The following GK variants were observed in gnomAD, a reference collection of about 807,000 sequenced individuals.
The protein encoded by GK is ATP:glycerol 3-phosphotransferase.
In GK, 9 loss-of-function variants were observed where a neutral mutation model predicts 56.4. That is an observed-to-expected ratio of 0.16 (90% confidence interval 0.10 to 0.28). The LOEUF is 0.28. Ranked by LOEUF, GK falls within the 10% of genes least tolerant of loss-of-function variation. GK has a pLI of 1.00. For missense variants in GK, 161 were observed against 431.4 expected, an observed-to-expected ratio of 0.37 and a Z score of 5.55; for synonymous variants, 104 against 144.1, an observed-to-expected ratio of 0.72 and a Z score of 1.99.
chrX:30,717,256 T>A (rs1936674075), intron 13 of GK, among the ~76,000 whole-genome samples: 1 of 111,065 alleles, frequency 9.0e-6, no homozygotes, highest in Non-Finnish European at 1.9e-5. Context: ...CTAAAAAAAA[T>A]TTCTTGGTAT....
At chrX:30,670,570 A>G (rs1288085207) in intron 3 of GK, among the ~76,000 whole-genome samples, 1 of 108,690 alleles carries the variant, frequency 9.2e-6, no homozygotes, top group East Asian at 2.9e-4. Flanking sequence ...ACATCCCACA[A>G]GCTCCTCCAT....
chrX:30,710,105 C>T (rs927636996), intron 13 of GK, among the ~76,000 whole-genome samples: 11 of 111,991 alleles, frequency 9.8e-5, no homozygotes, highest in Middle Eastern at 4.6e-3. Flanking sequence ...AATATACCCT[C>T]CTATCCCCTT....
At position 30,728,974 on chromosome X, in the gene GK, G is replaced by T; in HGVS notation, c.*232G>T. On this transcript the variant is annotated 3_prime_UTR_variant, in exon 21 of 21. Transcript: ENST00000427190. The stretch of plus-strand genomic sequence containing the variant: ...TTTTTTTTAAACATCCACAGTTAAG[G>T]TTGGGCCAGCTACCTTTGGGGCTGA... 1 of 391,902 alleles carries T rather than the reference G, an allele frequency of 2.6e-6. No individual in the cohort carries two copies. Among genetic ancestry groups the T allele is most frequent in the Non-Finnish European group, 4.4e-6 (1 of 225,356 alleles). 32.3% of individuals were successfully genotyped at this position (391,902 alleles called of 1,213,427 possible). A position where few individuals can be genotyped will look rare whatever the true frequency, so the allele number is the denominator to read the frequency against.
chrX:30,675,544 G>C (rs1183604054), intron 3 of GK, among the ~76,000 whole-genome samples: 1 of 100,089 alleles, frequency 1.0e-5, no homozygotes, highest in South Asian at 4.8e-4. Context: ...TTTGAGACAG[G>C]ATCTAACTAT....
chrX:30,655,441 A>G (rs968472877), intron 1 of GK, among the ~76,000 whole-genome samples: 24 of 112,011 alleles, frequency 2.1e-4, no homozygotes, highest in African/African-American at 7.1e-4. Flanking sequence ...TCAAGGGGAC[A>G]GCTAGTAGCT....
chrX:30,696,003 A>G (rs759155542), intron 6 of GK, 39 bp from the exon 7 acceptor site: 4 of 704,205 alleles, frequency 5.7e-6, no homozygotes, highest in Non-Finnish European at 6.9e-6. Context: ...TAAATTGCCA[A>G]TAAGTACAAA....
chrX:30,671,729 C>G (rs1002767583), intron 3 of GK: 3 of 112,437 alleles, frequency 2.7e-5, no homozygotes, highest in Admixed American at 9.5e-5. Context: ...GCAGCACACA[C>G]TAGCTCAAGG....
chrX:30,695,681 G>A (rs1249803497), intron 6 of GK, among the ~76,000 whole-genome samples: 1 of 112,670 alleles, frequency 8.9e-6, no homozygotes, highest in Admixed American at 9.4e-5. Flanking sequence ...TAATCCTTAT[G>A]AGGCAGATAT....
intron 4 of GK, among the ~76,000 whole-genome samples, chrX:30,686,618 T>C (rs1934630829): frequency 8.9e-6 from 1 of 112,214 alleles, no homozygotes; most frequent in African/African-American, 3.2e-5. Flanking sequence ...TTTATTATTC[T>C]AAATATTTAA....
At chrX:30,657,155 A>C (rs1932357739) in intron 1 of GK, among the ~76,000 whole-genome samples, 1 of 112,725 alleles carries the variant, frequency 8.9e-6, no homozygotes, top group South Asian at 3.6e-4. Flanking sequence ...AGCCAAGTTA[A>C]CTGAATTTTA....
intron 1 of GK, among the ~76,000 whole-genome samples, chrX:30,659,116 C>A (rs1374216470): frequency 1.8e-5 from 2 of 111,907 alleles, no homozygotes; most frequent in African/African-American, 6.5e-5. Flanking sequence ...ACGGCAACCT[C>A]CGCCTCCTGG....
rs1254205637 is a variant in GK at position 30,704,907 on chromosome X, C to T, written c.852-2649C>T. On this transcript the variant is annotated intron_variant, in intron 11 of 20. Coordinates refer to ENST00000427190, the MANE Select transcript of GK (RefSeq NM_001205019.2). The stretch of plus-strand genomic sequence containing the variant: ...TCAAGAGTGAAGTTGTACTAGAATG[C>T]TCAAGATAGAAGCCTGGTTGCAAAT... 2.7e-5 allele frequency among the ~76,000 whole-genome samples: 3 copies of T among 111,904 alleles called. No homozygotes were observed. In the Admixed American group the frequency reaches 2.8e-4, roughly 11 times the overall value.
intron 11 of GK, among the ~76,000 whole-genome samples, chrX:30,705,805 C>A (rs765000830): frequency 6.4e-4 from 72 of 112,267 alleles, no homozygotes; most frequent in Non-Finnish European, 1.2e-3. Context: ...GAAGTCTCTT[C>A]ATATTTGCTA....
At chrX:30,707,133 A>G (rs775219781) in intron 11 of GK, among the ~76,000 whole-genome samples, 1 of 111,437 alleles carries the variant, frequency 9.0e-6, no homozygotes, top group Non-Finnish European at 1.9e-5. Flanking sequence ...GATCAAGGCC[A>G]TCCTGACTAA....
intron 4 of GK, among the ~76,000 whole-genome samples, chrX:30,681,657 T>C (rs1290539043): frequency 9.0e-6 from 1 of 111,244 alleles, no homozygotes; most frequent in Non-Finnish European, 1.9e-5. Flanking sequence ...AAGACCATAC[T>C]TATGCTGGGA....
At chrX:30,705,292 G>A (rs1253921463) in intron 11 of GK, among the ~76,000 whole-genome samples, 1 of 112,356 alleles carries the variant, frequency 8.9e-6, no homozygotes, top group Non-Finnish European at 1.9e-5. Flanking sequence ...TCAGAGTGGG[G>A]GAAGAAATTA....
At chrX:30,670,289 A>C (rs755775800) in intron 3 of GK, among the ~76,000 whole-genome samples, 1 of 111,473 alleles carries the variant, frequency 9.0e-6, no homozygotes, top group Non-Finnish European at 1.9e-5. Flanking sequence ...ACATCATTCT[A>C]CCTCCCTTAC....
chrX:30,709,049 A>G (rs1936180719), intron 13 of GK, among the ~76,000 whole-genome samples: 1 of 112,184 alleles, frequency 8.9e-6, no homozygotes, highest in East Asian at 2.8e-4. Flanking sequence ...CATTTGTGAA[A>G]ACTTAGTCTG....
At chrX:30,660,083 T>C (rs1932638569) in intron 1 of GK, among the ~76,000 whole-genome samples, 1 of 111,694 alleles carries the variant, frequency 9.0e-6, no homozygotes, top group South Asian at 3.7e-4. Context: ...TTCCTTGTTT[T>C]TTCAGTTTTT....
Sources: allele counts gnomAD v4.1 joint callset (sites outside exome capture counted in the v4.1 genomes callset), GRCh38; gene constraint gnomAD v4.1.1; transcripts MANE v1.5; gene names NCBI Gene and HGNC (gene_info 2026-07-23, HGNC 2026-07-21).